Variants in PPHLN1 observed in about 807,000 individuals in gnomAD.
The protein encoded by PPHLN1 is periphilin-1.
PPHLN1 carries 29 observed loss-of-function variants against 51.3 expected under a neutral mutation model. The observed-to-expected ratio is 0.57, with a 90% CI of 0.42 to 0.77. The LOEUF (loss-of-function observed/expected upper bound fraction) is 0.77, where lower values mean the gene tolerates loss of function less well. Ranked by LOEUF, PPHLN1 falls within the 30% of genes least tolerant of loss-of-function variation. The probability of loss-of-function intolerance (pLI) is 0.00; values close to 1 mark genes in which losing one functional copy is unlikely to be tolerated. For missense variants in PPHLN1, 436 were observed against 438.4 expected, an observed-to-expected ratio of 0.99 and a Z score of 0.05; for synonymous variants, 147 against 147.8, an observed-to-expected ratio of 0.99 and a Z score of 0.04.
chr12:42,368,168 G>A (rs1272945454), intron 4 of PPHLN1, among the ~76,000 whole-genome samples: 1 of 151,938 alleles, frequency 6.6e-6, no homozygotes, highest in Non-Finnish European at 1.5e-5. Flanking sequence ...GTTTATACTT[G>A]GTATTTTGAT....
chr12:42,443,559 T>G (rs142123947), downstream of PPHLN1: 8 of 152,332 alleles, frequency 5.3e-5, no homozygotes, highest in Admixed American at 5.2e-4. Flanking sequence ...CAAACCTCTT[T>G]CTAGTAGTAG....
Position 42,374,332 on chromosome 12 carries a change from CA to C in PPHLN1, c.300-528del, listed in dbSNP as rs562847573. On this transcript the variant is annotated intron_variant, in intron 4 of 9. Transcript: ENST00000358314. ...TTGCATTAGCCACCTGGTTCTGTTCCAAACTGAAAAAGGGTACATTCTAAAT... is the reference window on the plus strand; with the variant it reads ...TTGCATTAGCCACCTGGTTCTGTTCCAACTGAAAAAGGGTACATTCTAAAT... 8.2e-3 allele frequency among the ~76,000 whole-genome samples: 1,246 copies of C among 152,004 alleles called. 7 individuals are homozygous for C. Among genetic ancestry groups the C allele is most frequent in the Middle Eastern group, 0.017 (5 of 294 alleles).
intron 1 of PPHLN1, among the ~76,000 whole-genome samples, chr12:42,334,099 A>G (rs2070227816): frequency 6.6e-6 from 1 of 152,100 alleles, no homozygotes; most frequent in Non-Finnish European, 1.5e-5. Context: ...AACTCTTTAG[A>G]CTGAAACCTT....
At chr12:42,360,110 C>CAAAAAAAAAAAAAAAAAAAAAA (rs10643805) in intron 4 of PPHLN1, among the ~76,000 whole-genome samples, 16 of 123,070 alleles carry the variant, frequency 1.3e-4, no homozygotes, top group East Asian at 2.8e-4. Context: ...GACTCCATCT[C>CAAAAAAAAAAAAAAAAAAAAAA]AAAAAAAAAA....
rs1409360309 is a variant in PPHLN1, at chr12:42,433,923, TTAAA to T, written c.910-7389_910-7386del. On this transcript the variant is annotated intron_variant, in intron 9 of 9. Transcript: ENST00000358314. ...TGTATCCCATAACATGTTGTAAACC[TTAAA>T]TACACACAATAAAATTTATTTTAAA... 1.3e-4 allele frequency among the ~76,000 whole-genome samples: 20 copies of T among 152,146 alleles called. 1 individual carries two copies. Among genetic ancestry groups the T allele is most frequent in the Non-Finnish European group, 1.5e-5 (1 of 68,024 alleles).
At chr12:42,371,448 C>G (rs11181467) in intron 4 of PPHLN1, among the ~76,000 whole-genome samples, 1 of 151,902 alleles carries the variant, frequency 6.6e-6, no homozygotes, top group Non-Finnish European at 1.5e-5. Flanking sequence ...ATAGTCTCCT[C>G]GAGACTTGCA....
intron 9 of PPHLN1, among the ~76,000 whole-genome samples, chr12:42,435,657 C>CT (rs529643075): frequency 3.3e-5 from 5 of 151,758 alleles, no homozygotes; most frequent in African/African-American, 4.8e-5. Flanking sequence ...ATTGGAGTTT[C>CT]TTTTTTTTAA....
At chr12:42,443,902 A>G (rs186373493), downstream of PPHLN1, 1 of 152,344 alleles carries the variant, frequency 6.6e-6, no homozygotes, top group Non-Finnish European at 1.5e-5. Context: ...GCTATCAACA[A>G]TGAAAGGCTA....
At chr12:42,389,870 G>A (rs1221332342) in intron 7 of PPHLN1, among the ~76,000 whole-genome samples, 1 of 152,170 alleles carries the variant, frequency 6.6e-6, no homozygotes, top group East Asian at 1.9e-4. Context: ...CTATAGTAGA[G>A]TGAGGGCTCA....
intron 8 of PPHLN1, chr12:42,398,445 CAAT>C (rs1161769759): frequency 6.5e-6 from 1 of 154,072 alleles, no homozygotes; most frequent in Non-Finnish European, 1.4e-5. Context: ...AGTCAAGGGA[CAAT>C]AATTTTTTAT....
chr12:42,352,843 C>T (rs1473758321), intron 3 of PPHLN1, among the ~76,000 whole-genome samples: 1 of 151,762 alleles, frequency 6.6e-6, no homozygotes, highest in East Asian at 2.0e-4. Context: ...AATCCCAGCA[C>T]TTTGGGAGGC....
chr12:42,429,462 A>G (rs1306968807), intron 9 of PPHLN1, among the ~76,000 whole-genome samples: 1 of 152,208 alleles, frequency 6.6e-6, no homozygotes, highest in Non-Finnish European at 1.5e-5. Flanking sequence ...TACTGTTTAA[A>G]CACTCTATGC....
rs149283883 is a variant in PPHLN1, at chr12:42,427,440, G to A, written c.910-13875G>A. On this transcript the variant is annotated intron_variant, in intron 9 of 9. Transcript: ENST00000358314. Reference sequence around the variant, plus strand: ...AACAAGCACATAGATCAATGGAACAGAATAGAGAACCCAGAAATTAACCCA... The same window carrying A: ...AACAAGCACATAGATCAATGGAACAAAATAGAGAACCCAGAAATTAACCCA... 2.5e-3 allele frequency among the ~76,000 whole-genome samples: 383 copies of A among 152,262 alleles called. 1 individual carries two copies. Among genetic ancestry groups the A allele is most frequent in the Non-Finnish European group, 3.1e-3 (212 of 68,018 alleles).
At chr12:42,445,849 T>C, downstream of PPHLN1, 1 of 1,232,652 alleles carries the variant, frequency 8.1e-7, no homozygotes, top group Non-Finnish European at 1.1e-6. Context: ...AAAAGCACTT[T>C]GCTAAAACCT....
chr12:42,346,206 G>A (rs1307537934), intron 2 of PPHLN1, among the ~76,000 whole-genome samples: 2 of 151,950 alleles, frequency 1.3e-5, no homozygotes, highest in African/African-American at 4.8e-5. Flanking sequence ...TACCTATTTT[G>A]TATTCCTTGA....
intron 4 of PPHLN1, among the ~76,000 whole-genome samples, chr12:42,364,478 A>C (rs2075049424): frequency 6.6e-6 from 1 of 152,074 alleles, no homozygotes; most frequent in Non-Finnish European, 1.5e-5. Flanking sequence ...AAAAAAATTA[A>C]AAAATAAGTT....
chr12:42,375,008 G>A lies in PPHLN1; in HGVS notation c.445G>A (p.Val149Ile), dbSNP rs1224725930. ...DSPHSRSGSS[V>I]SSRSYSPERS... Reference sequence around the variant, plus strand: ...TCCACACAGCAGATCTGGTTCCAGTGTCAGTAGCAGAAGCTACTCTCCAGA... The same window carrying A: ...TCCACACAGCAGATCTGGTTCCAGTATCAGTAGCAGAAGCTACTCTCCAGA... The change falls in exon 5 of 10, where the codon GTC becomes ATC. Residue 149 changes from valine (V) to isoleucine (I), a missense_variant. Transcript: ENST00000358314. 3.7e-6 allele frequency: 6 copies of A among 1,613,922 alleles called. No individual in the cohort carries two copies. Among genetic ancestry groups the A allele is most frequent in the Non-Finnish European group, 5.1e-6 (6 of 1,179,956 alleles).
intron 1 of PPHLN1, among the ~76,000 whole-genome samples, chr12:42,332,408 C>T (rs1565724628): frequency 6.6e-6 from 1 of 152,040 alleles, no homozygotes; most frequent in African/African-American, 2.4e-5. Context: ...GAGAGATGAC[C>T]TGCCCAGCTC....
chr12:42,328,794 C>T (rs2069195409), intron 1 of PPHLN1, among the ~76,000 whole-genome samples: 1 of 152,230 alleles, frequency 6.6e-6, no homozygotes, highest in Non-Finnish European at 1.5e-5. Context: ...ACTGCAACCT[C>T]CATCTCCCAG....
Sources: gnomAD v4.1 joint callset for allele counts (sites outside exome capture counted in the v4.1 genomes callset) on GRCh38, gnomAD v4.1.1 for gene constraint, MANE v1.5 for transcripts, NCBI Gene and HGNC (gene_info 2026-07-23, HGNC 2026-07-21) for gene names.